The following NME7 variants were observed in gnomAD, a reference collection of about 807,000 sequenced individuals.
NME7 encodes the protein nucleoside diphosphate kinase 7.
Under a neutral mutation model 49.1 loss-of-function variants are expected in NME7, and 41 were observed. The observed-to-expected ratio is 0.83, with a 90% confidence interval of 0.65 to 1.08. NME7 has a LOEUF of 1.08. Ranked by LOEUF, NME7 falls within the 50% of genes least tolerant of loss-of-function variation. The pLI is 0.00. For synonymous variants in NME7, 139 were observed against 150.6 expected (o/e 0.92, Z 0.56); for missense variants, 423 against 463.4 (o/e 0.91, Z 0.80).
chr1:169,364,865 T>G (rs897534873), intron 1 of NME7, among the ~76,000 whole-genome samples: 3 of 152,178 alleles, frequency 2.0e-5, no homozygotes, highest in African/African-American at 7.2e-5. Flanking sequence ...GGGAGGGACC[T>G]AAAATCTGCT....
At position 169,169,311 on chromosome 1, in the gene NME7, A is replaced by G. The variant is rs1659509692; in HGVS notation, c.1098+136T>C. 18 of 706,712 alleles carry G rather than the reference A, an allele frequency of 2.5e-5. No individual in the cohort carries two copies. In the South Asian group the frequency reaches 3.0e-4, roughly 12 times the overall value. The allele number at this position is 706,712 out of a possible 1,614,324, so 43.8% of individuals were successfully genotyped here. A position where few individuals can be genotyped will look rare whatever the true frequency, so the allele number is the denominator to read the frequency against. ...CAGGGCACGTGTATACCTATGTAAC[A>G]AAACTGCACTCTCTGCACATGTAAC... On this transcript the variant is annotated intron_variant, in intron 11 of 11. Coordinates refer to ENST00000367811, the MANE Select transcript of NME7 (RefSeq NM_013330.5).
intron 11 of NME7, among the ~76,000 whole-genome samples, chr1:169,163,836 C>T (rs12127613): frequency 0.35 from 52,967 of 151,968 alleles, 10,142 homozygotes; most frequent in East Asian, 0.73. Context: ...CTTGGCCAGG[C>T]GTGGTAGCTT....
At chr1:169,161,156 A>C (rs1278438556) in intron 11 of NME7, among the ~76,000 whole-genome samples, 1 of 152,172 alleles carries the variant, frequency 6.6e-6, no homozygotes, top group East Asian at 1.9e-4. Context: ...CAGTTGTCTT[A>C]ATATGACTTT....
chr1:169,147,757 C>T (rs1461006952), intron 11 of NME7, among the ~76,000 whole-genome samples: 1 of 152,112 alleles, frequency 6.6e-6, no homozygotes, highest in East Asian at 1.9e-4. Context: ...TTAAAAGTAA[C>T]GACTATAGTA....
At chr1:169,303,455 CTT>C (rs969800387) in intron 4 of NME7, 589 of 113,356 alleles carry the variant, frequency 5.2e-3, no homozygotes, top group South Asian at 0.013. Context: ...CTATCTTCTT[CTT>C]TTTTTTTTTT....
At position 169,358,461 on chromosome 1, in the gene NME7, C is replaced by T. The variant is rs542787129; in HGVS notation, c.3+9247G>A. 1.6e-4 allele frequency among the ~76,000 whole-genome samples: 25 copies of T among 152,130 alleles called. No homozygotes were observed. In the South Asian group the frequency reaches 5.0e-3, roughly 30 times the overall value. On this transcript the variant is annotated intron_variant, in intron 1 of 11. Coordinates refer to ENST00000367811, the MANE Select transcript of NME7 (RefSeq NM_013330.5). The stretch of plus-strand genomic sequence containing the variant: ...GCTCTACATCAGTTTGTTTGTACTT[C>T]AACAAGCTACATCTTGAAAATAAGT...
intron 11 of NME7, among the ~76,000 whole-genome samples, chr1:169,135,781 A>C (rs1271322864): frequency 6.6e-6 from 1 of 151,960 alleles, no homozygotes; most frequent in African/African-American, 2.4e-5. Flanking sequence ...TTAATTCTCT[A>C]TTTTTCTCTG....
At chr1:169,231,440 G>A (rs1054077922) in intron 9 of NME7, among the ~76,000 whole-genome samples, 1 of 152,150 alleles carries the variant, frequency 6.6e-6, no homozygotes, top group African/African-American at 2.4e-5. Flanking sequence ...AACGTTCTCT[G>A]AGTTGAAAAG....
At chr1:169,167,920 C>G (rs1465830100) in intron 11 of NME7, among the ~76,000 whole-genome samples, 1 of 152,142 alleles carries the variant, frequency 6.6e-6, no homozygotes, top group Non-Finnish European at 1.5e-5. Flanking sequence ...ATGAGCAGGG[C>G]AGGAAAGGGC....
At chr1:169,352,072 G>A (rs1653193124) in intron 1 of NME7, among the ~76,000 whole-genome samples, 1 of 151,560 alleles carries the variant, frequency 6.6e-6, no homozygotes, top group African/African-American at 2.4e-5. Flanking sequence ...CTCATTCTAT[G>A]AGCTCAGTAT....
At chr1:169,158,165 G>A (rs1659135701) in intron 11 of NME7, among the ~76,000 whole-genome samples, 1 of 152,242 alleles carries the variant, frequency 6.6e-6, no homozygotes, top group South Asian at 2.1e-4. Context: ...CCTTATAAGT[G>A]GGGAATATGT....
intron 1 of NME7, among the ~76,000 whole-genome samples, chr1:169,328,311 A>G (rs1210737422): frequency 6.6e-6 from 1 of 152,206 alleles, no homozygotes; most frequent in Non-Finnish European, 1.5e-5. Context: ...CTTTCTTCAT[A>G]AGGTAGTTTT....
intron 7 of NME7, among the ~76,000 whole-genome samples, chr1:169,254,486 C>G (rs1648806456): frequency 6.6e-6 from 1 of 151,642 alleles, no homozygotes; most frequent in Non-Finnish European, 1.5e-5. Context: ...AGTGGTCTAT[C>G]AATTTTGTTG....
chr1:169,271,593 T>G (rs562300521), intron 7 of NME7, among the ~76,000 whole-genome samples: 2 of 133,192 alleles, frequency 1.5e-5, no homozygotes, highest in African/African-American at 5.1e-5. Context: ...CTACTAAGGC[T>G]CTATCAAGGT....
At chr1:169,341,251 A>G (rs1652688193) in intron 1 of NME7, among the ~76,000 whole-genome samples, 1 of 152,220 alleles carries the variant, frequency 6.6e-6, no homozygotes, top group South Asian at 2.1e-4. Flanking sequence ...AAAAGGGGCC[A>G]AGATACAGCT....
chr1:169,239,135 A>G (rs1171846278), intron 7 of NME7, among the ~76,000 whole-genome samples: 1 of 152,034 alleles, frequency 6.6e-6, no homozygotes, highest in Non-Finnish European at 1.5e-5. Context: ...CTAAAGTAGT[A>G]TTTTAGGAAG....
intron 6 of NME7, among the ~76,000 whole-genome samples, chr1:169,289,845 T>G (rs1469261606): frequency 6.6e-6 from 1 of 152,088 alleles, no homozygotes; most frequent in Non-Finnish European, 1.5e-5. Context: ...AGGTCATTGT[T>G]ATGGCAATTA....
intron 10 of NME7, among the ~76,000 whole-genome samples, chr1:169,196,638 T>G (rs1289777633): frequency 6.6e-6 from 1 of 152,182 alleles, no homozygotes; most frequent in Non-Finnish European, 1.5e-5. Context: ...AATTTAGAGA[T>G]TTAATATTTG....
At chr1:169,206,502 G>A (rs1195918747) in intron 10 of NME7, among the ~76,000 whole-genome samples, 1 of 151,944 alleles carries the variant, frequency 6.6e-6, no homozygotes, top group African/African-American at 2.4e-5. Context: ...TCAACTCCAG[G>A]GATTCTTATT....
Sources: gnomAD v4.1 joint callset for allele counts (sites outside exome capture counted in the v4.1 genomes callset) on GRCh38, gnomAD v4.1.1 for gene constraint, MANE v1.5 for transcripts, NCBI Gene and HGNC (gene_info 2026-07-23, HGNC 2026-07-21) for gene names.